The following BMPR2 variants were observed in gnomAD, a reference collection of about 807,000 sequenced individuals.
BMPR2 encodes the protein bone morphogenetic protein receptor type 2.
BMPR2 carries 29 observed loss-of-function variants against 100.8 expected under a neutral mutation model. The observed-to-expected ratio is 0.29, with a 90% CI of 0.21 to 0.39. The LOEUF is 0.39. Among genes scored for constraint, BMPR2 ranks in the 10% least tolerant of loss-of-function variants. The pLI, the probability that BMPR2 is intolerant of heterozygous loss-of-function variation, is 1.00. For synonymous variants in BMPR2, 382 were observed against 442.3 expected (o/e 0.86, Z 1.71); for missense variants, 1,011 against 1,274.5 (o/e 0.79, Z 3.15).
In BMPR2 at chr2:202,503,674, C is replaced by T. The variant is rs976169919; in HGVS notation, c.419-10045C>T. On this transcript the variant is annotated intron_variant, in intron 3 of 12. Coordinates refer to ENST00000374580, the MANE Select transcript of BMPR2 (RefSeq NM_001204.7). The surrounding 1 kb of genome is among the most constrained non-coding windows in gnomAD (Gnocchi z 4.0). ...CCCACCCCCTCCATGGGCCCCTGTG[C>T]GGCCCGAGCCTCCCTGATGAGTGCC... Among the ~76,000 whole-genome samples the T allele has an allele frequency of 1.2e-4, 19 of 152,292 alleles. No individual in the cohort carries two copies. Among genetic ancestry groups the T allele is most frequent in the East Asian group, 5.8e-4 (3 of 5,172 alleles).
intron 1 of BMPR2, 125 bp from the exon 2 acceptor site, chr2:202,464,684 G>T (rs1185675354): frequency 1.1e-6 from 1 of 885,876 alleles, no homozygotes; most frequent in African/African-American, 1.7e-5. Flanking sequence ...AGAAATTTAT[G>T]TAAAGATTTC....
At chr2:202,445,899 C>T (rs1284471572) in intron 1 of BMPR2, among the ~76,000 whole-genome samples, 3 of 149,078 alleles carry the variant, frequency 2.0e-5, no homozygotes, top group African/African-American at 7.7e-5. Context: ...CTCAGCCTCC[C>T]GAGTAGCTGA....
intron 5 of BMPR2, among the ~76,000 whole-genome samples, chr2:202,517,537 AGATGGGGTTTTACTGT>A (rs1461626786): frequency 6.6e-6 from 1 of 151,550 alleles, no homozygotes; most frequent in Non-Finnish European, 1.5e-5. Context: ...TTTCTAGTAG[AGATGGGGTTTTACTGT>A]GTTGGCCAGG....
At position 202,403,390 on chromosome 2, in the gene BMPR2, G is replaced by A. The variant is rs1375857237; in HGVS notation, c.76+25840G>A. ...AATTTTTGTATTTTTTGTAGAGATG[G>A]GGTTTCACCATGTTGGCCAGGATGG... On this transcript the variant is annotated intron_variant, in intron 1 of 12. Transcript: ENST00000374580. 2.6e-5 allele frequency among the ~76,000 whole-genome samples: 4 copies of A among 151,928 alleles called. No homozygotes were observed. In the East Asian group the frequency reaches 5.8e-4, roughly 22 times the overall value.
At chr2:202,396,555 A>G (rs72925044) in intron 1 of BMPR2, among the ~76,000 whole-genome samples, 24,725 of 152,152 alleles carry the variant, frequency 0.16, 2,411 homozygotes, top group Middle Eastern at 0.24. Flanking sequence ...AGGCTTATCT[A>G]TTTTGTTTGG....
intron 1 of BMPR2, among the ~76,000 whole-genome samples, chr2:202,388,166 G>A (rs1433433696): frequency 6.6e-6 from 1 of 151,920 alleles, no homozygotes; most frequent in Non-Finnish European, 1.5e-5. Flanking sequence ...GGAGGCCGAG[G>A]TGGGTGGATT....
chr2:202,455,851 G>A (rs1253872077), intron 1 of BMPR2, among the ~76,000 whole-genome samples: 1 of 151,736 alleles, frequency 6.6e-6, no homozygotes, highest in Non-Finnish European at 1.5e-5. Context: ...AGATCATGAG[G>A]TCAGGAGATC....
At chr2:202,500,581 A>T (rs1009470431) in intron 3 of BMPR2, among the ~76,000 whole-genome samples, 3 of 152,196 alleles carry the variant, frequency 2.0e-5, no homozygotes, top group African/African-American at 7.2e-5. Context: ...AATATCCCTT[A>T]AGGCCTGAAG....
At chr2:202,537,305 C>T (rs1182552791) in intron 9 of BMPR2, among the ~76,000 whole-genome samples, 6 of 152,150 alleles carry the variant, frequency 3.9e-5, no homozygotes, top group Non-Finnish European at 8.8e-5. Context: ...ATGATTTTTT[C>T]ATCAGATTAG....
intron 1 of BMPR2, among the ~76,000 whole-genome samples, chr2:202,381,354 T>C (rs1461714558): frequency 6.6e-6 from 1 of 152,170 alleles, no homozygotes; most frequent in Non-Finnish European, 1.5e-5. Context: ...CATGCAACAA[T>C]AGGCATTTAT....
intron 3 of BMPR2, among the ~76,000 whole-genome samples, chr2:202,497,405 G>T (rs1185056998): frequency 6.6e-6 from 1 of 152,158 alleles, no homozygotes; most frequent in Non-Finnish European, 1.5e-5. Flanking sequence ...GCACCTTATT[G>T]GCCAGTTAAA....
At chr2:202,457,815 C>T (rs1371528400) in intron 1 of BMPR2, among the ~76,000 whole-genome samples, 5 of 151,952 alleles carry the variant, frequency 3.3e-5, no homozygotes, top group South Asian at 2.1e-4. Context: ...CTGCAGCCTC[C>T]GCCTCTGGGG....
chr2:202,440,856 T>G (rs970623257), intron 1 of BMPR2, among the ~76,000 whole-genome samples: 1 of 150,576 alleles, frequency 6.6e-6, no homozygotes, highest in African/African-American at 2.5e-5. Context: ...CATAGATGCC[T>G]TTATCACATT....
rs553891268 is a variant in BMPR2 at position 202,524,122 on chromosome 2, G to A, written c.967+3921G>A. On this transcript the variant is annotated intron_variant, in intron 7 of 12. Coordinates refer to ENST00000374580, the MANE Select transcript of BMPR2 (RefSeq NM_001204.7). Reference sequence around the variant, plus strand: ...TCACGCCTGTAATCCCAGCACTTTGGGGGGCTGAGGCAGGCGGATCACGAG... The same window carrying A: ...TCACGCCTGTAATCCCAGCACTTTGAGGGGCTGAGGCAGGCGGATCACGAG... Among the ~76,000 whole-genome samples, 12 of 152,202 alleles carry A rather than the reference G, an allele frequency of 7.9e-5. 1 individual carries two copies. In the South Asian group the frequency reaches 2.5e-3, roughly 32 times the overall value.
At chr2:202,525,719 T>A (rs1687897197) in intron 7 of BMPR2, among the ~76,000 whole-genome samples, 1 of 152,160 alleles carries the variant, frequency 6.6e-6, no homozygotes, top group African/African-American at 2.4e-5. Flanking sequence ...TATTGGGTTC[T>A]GTTACTAGGT....
At chr2:202,381,177 A>G (rs987416500) in intron 1 of BMPR2, among the ~76,000 whole-genome samples, 1 of 150,978 alleles carries the variant, frequency 6.6e-6, no homozygotes, top group African/African-American at 2.4e-5. Flanking sequence ...GTTTTACCAT[A>G]TTGGCCAGGC....
In BMPR2 at chr2:202,563,515, A is replaced by G. The variant is rs1688709965; in HGVS notation, c.*3569A>G. On this transcript the variant is annotated 3_prime_UTR_variant, in exon 13 of 13. Coordinates refer to ENST00000374580, the MANE Select transcript of BMPR2 (RefSeq NM_001204.7). ...ATGAGCCAAACCACATACCTTAATG[A>G]TTTGGGAAGTTAGGCAAATATGAGA... The G allele has an allele frequency of 1.3e-5, 2 of 152,266 alleles. No homozygotes were observed. Among genetic ancestry groups the G allele is most frequent in the South Asian group, 4.1e-4 (2 of 4,826 alleles). The allele number at this position is 152,266 out of a possible 1,614,324, so 9.4% of individuals were successfully genotyped here.
At chr2:202,448,902 ATTATT>A (rs1691913544) in intron 1 of BMPR2, among the ~76,000 whole-genome samples, 2 of 147,920 alleles carry the variant, frequency 1.4e-5, no homozygotes, top group African/African-American at 5.0e-5. Flanking sequence ...GAAAGCTTGG[ATTATT>A]TTGTCAGTTT....
At chr2:202,436,649 C>G (rs1691621595) in intron 1 of BMPR2, among the ~76,000 whole-genome samples, 1 of 150,660 alleles carries the variant, frequency 6.6e-6, no homozygotes, top group Non-Finnish European at 1.5e-5. Context: ...AGAGATGTTA[C>G]AGGTAGGATG....
Sources: allele counts gnomAD v4.1 joint callset (sites outside exome capture counted in the v4.1 genomes callset), GRCh38; gene constraint gnomAD v4.1.1; non-coding constraint Gnocchi (gnomAD v3.1); transcripts MANE v1.5; gene names NCBI Gene and HGNC (gene_info 2026-07-23, HGNC 2026-07-21).